The following TSG101 variants were observed in gnomAD, a reference collection of about 807,000 sequenced individuals.
TSG101 encodes tumor susceptibility 101.
Under a neutral mutation model 48.5 loss-of-function variants are expected in TSG101, and 19 were observed. The observed-to-expected ratio is 0.39, with a 90% CI of 0.27 to 0.58. TSG101 has a LOEUF of 0.58. Ranked by LOEUF, TSG101 falls within the 20% of genes least tolerant of loss-of-function variation. The pLI, the probability that TSG101 is intolerant of heterozygous loss-of-function variation, is 0.55. For missense variants in TSG101, 365 were observed against 484.4 expected, an observed-to-expected ratio of 0.75 and a Z score of 2.31; for synonymous variants, 174 against 169.4, an observed-to-expected ratio of 1.03 and a Z score of -0.21.
chr11:18,489,139 G>C (rs975961188), intron 7 of TSG101, among the ~76,000 whole-genome samples: 1 of 150,524 alleles, frequency 6.6e-6, no homozygotes, highest in African/African-American at 2.4e-5. Context: ...TGGTGGGAAA[G>C]AATGTTTTGA....
At chr11:18,511,336 A>G (rs1265292918) in intron 4 of TSG101, 1 of 152,192 alleles carries the variant, frequency 6.6e-6, no homozygotes, top group East Asian at 1.9e-4. Flanking sequence ...CAAAGAACCA[A>G]ACTCACCTCA....
At chr11:18,499,658 G>A (rs974023611) in intron 7 of TSG101, among the ~76,000 whole-genome samples, 9 of 150,768 alleles carry the variant, frequency 6.0e-5, no homozygotes, top group Admixed American at 4.7e-4. Context: ...CAATCTGCCC[G>A]CCTTGGCCTC....
At chr11:18,507,167 T>C (rs1393706110) in intron 5 of TSG101, among the ~76,000 whole-genome samples, 2 of 152,246 alleles carry the variant, frequency 1.3e-5, no homozygotes, top group African/African-American at 4.8e-5. Flanking sequence ...CCTGGTCAGC[T>C]TTTAAAGTTC....
In TSG101 at chr11:18,480,764, T is replaced by C. The variant is rs368862110; in HGVS notation, c.1084-129A>G. 2,260 of 706,160 alleles carry C rather than the reference T, an allele frequency of 3.2e-3. 56 individuals are homozygous for C. The South Asian group carries it at 0.033, about 10-fold the overall frequency. The allele number at this position is 706,160 out of a possible 1,614,324, so 43.7% of individuals were successfully genotyped here. On this transcript the variant is annotated intron_variant, in intron 9 of 9. Transcript: ENST00000251968. The stretch of plus-strand genomic sequence containing the variant: ...ATGACCTGCCAACCTTTGGAATGAA[T>C]ACCTCATTATATGTGGCTTTTAAGC...
intron 5 of TSG101, 73 bp downstream of exon 5, chr11:18,509,469 T>A: frequency 1.3e-6 from 2 of 1,521,418 alleles, no homozygotes; most frequent in South Asian, 2.6e-5. Flanking sequence ...ATTATTTTTC[T>A]TTATTTTTTT....
chr11:18,483,494 A>ATCTC lies in TSG101; in HGVS notation c.843+375_843+376insGAGA, dbSNP rs1252405329. ...CTGAGCGCAAGAGTGAAACTCTCAA[A>ATCTC]AAAAAAAAAAAAAAAAAGGAGTGCC... is the stretch of plus-strand genomic sequence containing the variant. On this transcript the variant is annotated intron_variant, in intron 8 of 9. Coordinates refer to ENST00000251968, the MANE Select transcript of TSG101 (RefSeq NM_006292.4). Among the ~76,000 whole-genome samples, 996 of 103,494 alleles carry ATCTC rather than the reference A, an allele frequency of 9.6e-3. 12 individuals are homozygous for ATCTC. Among genetic ancestry groups the ATCTC allele is most frequent in the African/African-American group, 0.028 (947 of 34,032 alleles). 67.9% of individuals were successfully genotyped at this position (103,494 alleles called of 152,430 possible).
At chr11:18,506,593 G>C in intron 6 of TSG101, among the ~76,000 whole-genome samples, 1 of 151,914 alleles carries the variant, frequency 6.6e-6, no homozygotes, top group Non-Finnish European at 1.5e-5. Context: ...GGGAGGCTGA[G>C]GCAGGAGAAT....
chr11:18,481,914 C>T, intron 8 of TSG101, 45 bp from the exon 9 acceptor site: 1 of 1,596,594 alleles, frequency 6.3e-7, no homozygotes, highest in South Asian at 1.1e-5. Flanking sequence ...ACATAATTAT[C>T]CACTTGTCAG....
In TSG101 at chr11:18,526,934, C is replaced by G; in HGVS notation, c.-118G>C. 9.7e-7 allele frequency: 1 copy of G among 1,031,654 alleles called. No individual in the cohort carries two copies. Among genetic ancestry groups the G allele is most frequent in the Non-Finnish European group, 1.4e-6 (1 of 708,798 alleles). 63.9% of individuals were successfully genotyped at this position (1,031,654 alleles called of 1,614,324 possible). ...CCGGCCTCAAACAACAGGAAGTCGG[C>G]ACCACTACACCACTTCCGCTTCCAC... On this transcript the variant is annotated 5_prime_UTR_variant, in exon 1 of 10. Coordinates refer to ENST00000251968, the MANE Select transcript of TSG101 (RefSeq NM_006292.4).
At position 18,516,419 on chromosome 11, in the gene TSG101, G is replaced by C. The variant is rs59032896; in HGVS notation, c.128-255C>G. Reference sequence around the variant, plus strand: ...GAGTGCAATGGCGCGATTTTGGCTCGCTGCAACCTCCACCTCCTGGGTTCA... The same window carrying C: ...GAGTGCAATGGCGCGATTTTGGCTCCCTGCAACCTCCACCTCCTGGGTTCA... On this transcript the variant is annotated intron_variant, in intron 2 of 9. Transcript: ENST00000251968. 6.7e-4 allele frequency among the ~76,000 whole-genome samples: 101 copies of C among 151,044 alleles called. 1 individual carries two copies. The highest frequency in any genetic ancestry group is 2.4e-3 in the African/African-American group (99 of 41,122).
At chr11:18,482,001 A>C in intron 8 of TSG101, 132 bp from the exon 9 acceptor site, 1 of 1,248,312 alleles carries the variant, frequency 8.0e-7, no homozygotes, top group Non-Finnish European at 1.1e-6. Flanking sequence ...TAATGTTTCA[A>C]ATAACACCCT....
At chr11:18,507,423 A>G (rs1300557180) in intron 5 of TSG101, among the ~76,000 whole-genome samples, 1 of 152,232 alleles carries the variant, frequency 6.6e-6, no homozygotes, top group Non-Finnish European at 1.5e-5. Flanking sequence ...CCAGACTGTT[A>G]AAAACTAGTC....
Position 18,486,796 on chromosome 11 carries a change from C to T in TSG101, c.641-2724G>A, listed in dbSNP as rs577997978. On this transcript the variant is annotated intron_variant, in intron 7 of 9. Transcript: ENST00000251968. ...TATACCCAAAGGATTATAAATCATG[C>T]TGCTATAAAGACACATGCACACATA... 8.7e-4 allele frequency among the ~76,000 whole-genome samples: 132 copies of T among 152,040 alleles called. 2 individuals are homozygous for T. Among genetic ancestry groups the T allele is most frequent in the Middle Eastern group, 3.4e-3 (1 of 294 alleles).
At chr11:18,492,170 T>C (rs994167511) in intron 7 of TSG101, among the ~76,000 whole-genome samples, 3 of 152,220 alleles carry the variant, frequency 2.0e-5, no homozygotes, top group African/African-American at 7.2e-5. Flanking sequence ...TTAAAACCTT[T>C]CTAGAAGAAC....
At chr11:18,483,323 C>T (rs775811742) in intron 8 of TSG101, among the ~76,000 whole-genome samples, 6 of 151,894 alleles carry the variant, frequency 4.0e-5, no homozygotes, top group African/African-American at 4.8e-5. Flanking sequence ...GGTGATACCC[C>T]GTCTCTACTA....
chr11:18,503,708 G>A (rs1849925139), intron 6 of TSG101, among the ~76,000 whole-genome samples: 1 of 151,968 alleles, frequency 6.6e-6, no homozygotes, highest in African/African-American at 2.4e-5. Context: ...TTTGTCTCAG[G>A]ACATGATTTT....
At chr11:18,510,042 G>A (rs1850052737) in intron 4 of TSG101, among the ~76,000 whole-genome samples, 1 of 152,064 alleles carries the variant, frequency 6.6e-6, no homozygotes, top group South Asian at 2.1e-4. Context: ...TATTATTAAA[G>A]GCCATTAAAA....
Position 18,506,907 on chromosome 11 carries a change from G to A in TSG101, c.498C>T (p.Gly166=). The A allele has an allele frequency of 6.2e-7, 1 of 1,607,290 alleles. No individual in the cohort carries two copies. The highest frequency in any genetic ancestry group is 1.7e-5 in the Admixed American group (1 of 59,786). The change falls in exon 6 of 10, where the codon GGC becomes GGT. Residue 166 remains glycine, a synonymous_variant. Transcript: ENST00000251968. ...TGPPNTSYMP[G]MPGGISPYPS... ...GGTATGGAGAGATTCCACCTGGCAT[G>A]CCTGGCATGTAGGAAGCTAAAAACA...
chr11:18,517,022 A>G (rs992955997), intron 2 of TSG101, among the ~76,000 whole-genome samples: 2 of 152,222 alleles, frequency 1.3e-5, no homozygotes, highest in Non-Finnish European at 2.9e-5. Context: ...AGAGATGTGC[A>G]GACATTTATC....
Sources: gnomAD v4.1 joint callset for allele counts (sites outside exome capture counted in the v4.1 genomes callset) on GRCh38, gnomAD v4.1.1 for gene constraint, MANE v1.5 for transcripts, NCBI Gene and HGNC (gene_info 2026-07-23, HGNC 2026-07-21) for gene names.